Variants in AGBL4 observed in about 807,000 individuals in gnomAD.
AGBL4 encodes cytosolic carboxypeptidase 6.
AGBL4 carries 58 observed loss-of-function variants against 66.4 expected under a neutral mutation model. That is an observed-to-expected ratio of 0.87 (90% confidence interval 0.71 to 1.09). AGBL4 has a LOEUF of 1.09. Ranked by LOEUF, AGBL4 falls within the 50% of genes least tolerant of loss-of-function variation. The pLI, the probability that AGBL4 is intolerant of heterozygous loss-of-function variation, is 0.00. For synonymous variants in AGBL4, 234 were observed against 222.9 expected, an observed-to-expected ratio of 1.05 and a Z score of -0.44; for missense variants, 579 against 631.0, an observed-to-expected ratio of 0.92 and a Z score of 0.88.
intron 6 of AGBL4, among the ~76,000 whole-genome samples, chr1:48,695,134 A>T (rs1255934868): frequency 6.6e-6 from 1 of 152,164 alleles, no homozygotes; most frequent in Non-Finnish European, 1.5e-5. Context: ...CTTTACCAAG[A>T]TTCTAAACTT....
In AGBL4 at chr1:49,869,661, G is replaced by A. The variant is rs555363096; in HGVS notation, c.35-18143C>T. Among the ~76,000 whole-genome samples the A allele has an allele frequency of 2.6e-5, 4 of 152,204 alleles. No individual in the cohort carries two copies. The East Asian group carries it at 7.7e-4, about 29-fold the overall frequency. ...TAATGCATGCTGGGCTTAATACCTA[G>A]GTGATGGGTTCATAGGTGCAGCAAA... On this transcript the variant is annotated intron_variant, in intron 1 of 13. Coordinates refer to ENST00000371839, the MANE Select transcript of AGBL4 (RefSeq NM_032785.4).
chr1:49,090,942 C>A (rs1032310719), intron 4 of AGBL4, among the ~76,000 whole-genome samples: 46 of 152,110 alleles, frequency 3.0e-4, no homozygotes, highest in African/African-American at 1.1e-3. Context: ...TGCACACTCA[C>A]AACCATCTGA....
chr1:49,468,092 A>G (rs909685494), intron 3 of AGBL4, among the ~76,000 whole-genome samples: 2 of 151,890 alleles, frequency 1.3e-5, no homozygotes, highest in Non-Finnish European at 2.9e-5. Context: ...TCCTTCAACA[A>G]CATAGGTAAC....
At chr1:48,746,196 T>C (rs1207852229) in intron 6 of AGBL4, among the ~76,000 whole-genome samples, 1 of 152,254 alleles carries the variant, frequency 6.6e-6, no homozygotes, top group Non-Finnish European at 1.5e-5. Context: ...TATATTTATA[T>C]GAAACAATGA....
At chr1:49,469,863 C>T (rs573838399) in intron 3 of AGBL4, 1 of 151,882 alleles carries the variant, frequency 6.6e-6, no homozygotes, top group East Asian at 1.9e-4. Context: ...ATTTCATCTT[C>T]GGTTAAGCAG....
intron 3 of AGBL4, among the ~76,000 whole-genome samples, chr1:49,389,014 T>C (rs1408425515): frequency 6.6e-6 from 1 of 151,916 alleles, no homozygotes. Context: ...AAGAAAACCA[T>C]GAGATCACAG....
chr1:48,538,318 T>C (rs567154516), intron 12 of AGBL4, among the ~76,000 whole-genome samples: 2 of 152,316 alleles, frequency 1.3e-5, no homozygotes, highest in East Asian at 1.9e-4. Context: ...AAAACATTTA[T>C]TGAGCATCTA....
chr1:49,623,873 T>G (rs755480903), intron 3 of AGBL4, among the ~76,000 whole-genome samples: 2 of 152,216 alleles, frequency 1.3e-5, no homozygotes, highest in Non-Finnish European at 2.9e-5. Flanking sequence ...ATAGGCTTAA[T>G]GATAGTCTTG....
chr1:49,216,521 T>A (rs1340119797), intron 4 of AGBL4, among the ~76,000 whole-genome samples: 3 of 152,168 alleles, frequency 2.0e-5, no homozygotes, highest in African/African-American at 4.8e-5. Context: ...TAGTTCTCTG[T>A]TCCTATATTA....
At chr1:48,582,099 G>A (rs1048976491) in intron 11 of AGBL4, among the ~76,000 whole-genome samples, 4 of 152,188 alleles carry the variant, frequency 2.6e-5, no homozygotes, top group Admixed American at 1.3e-4. Context: ...GAAGCCATCT[G>A]TAAGCCCCTC....
chr1:49,545,433 C>T (rs1487903567), intron 3 of AGBL4, among the ~76,000 whole-genome samples: 2 of 152,194 alleles, frequency 1.3e-5, no homozygotes, highest in Middle Eastern at 3.2e-3. Flanking sequence ...TATTTCATTG[C>T]AGACTATAAG....
chr1:49,447,400 G>A (rs1646183146), intron 3 of AGBL4, among the ~76,000 whole-genome samples: 1 of 152,120 alleles, frequency 6.6e-6, no homozygotes, highest in South Asian at 2.1e-4. Flanking sequence ...AGCCAATGCT[G>A]TGTTGCTGCA....
chr1:49,678,189 T>G lies in AGBL4; in HGVS notation c.282+19124A>C, dbSNP rs1413696483. On this transcript the variant is annotated intron_variant, in intron 3 of 13. Coordinates refer to ENST00000371839, the MANE Select transcript of AGBL4 (RefSeq NM_032785.4). ...ATATTTCATGTTTTGTAACTTGTAG[T>G]GTTTGTACTTCTCAAGGAATTGTCT... Among the ~76,000 whole-genome samples the G allele has an allele frequency of 2.6e-5, 4 of 152,302 alleles. No homozygotes were observed. In the East Asian group the frequency reaches 7.7e-4, roughly 29 times the overall value.
At chr1:48,815,810 T>G (rs978576605) in intron 6 of AGBL4, among the ~76,000 whole-genome samples, 2 of 152,176 alleles carry the variant, frequency 1.3e-5, no homozygotes, top group Admixed American at 6.5e-5. Flanking sequence ...GAAAGGCAGA[T>G]GGGTTAAGAG....
intron 6 of AGBL4, among the ~76,000 whole-genome samples, chr1:48,699,183 G>C (rs907902403): frequency 6.6e-6 from 1 of 152,192 alleles, no homozygotes; most frequent in Non-Finnish European, 1.5e-5. Flanking sequence ...TAGGACCCAG[G>C]CTTTGGAGTC....
At chr1:49,261,341 T>C (rs1653142152) in intron 3 of AGBL4, among the ~76,000 whole-genome samples, 1 of 152,168 alleles carries the variant, frequency 6.6e-6, no homozygotes, top group Admixed American at 6.5e-5. Flanking sequence ...ATAAAGGGTA[T>C]TCAATTAGGA....
chr1:49,140,610 A>T lies in AGBL4; in HGVS notation c.378-94810T>A, dbSNP rs373810836. Among the ~76,000 whole-genome samples the T allele has an allele frequency of 3.2e-4, 49 of 152,336 alleles. 1 individual carries two copies. The South Asian group carries it at 9.3e-3, about 29-fold the overall frequency. On this transcript the variant is annotated intron_variant, in intron 4 of 13. Coordinates refer to ENST00000371839, the MANE Select transcript of AGBL4 (RefSeq NM_032785.4). ...ATGCTGCCAAGGTTCCAGGTACATG[A>T]TTGGTGAGGAACCAGGCCAGTTGAC...
At chr1:49,994,999 C>T (rs1340291505) in intron 1 of AGBL4, 1 of 392,936 alleles carries the variant, frequency 2.5e-6, no homozygotes, top group African/African-American at 2.1e-5. Context: ...TCTTGGTCCC[C>T]AGGGAAGCCA....
intron 1 of AGBL4, among the ~76,000 whole-genome samples, chr1:49,930,791 G>T (rs1653258463): frequency 6.6e-6 from 1 of 152,072 alleles, no homozygotes; most frequent in African/African-American, 2.4e-5. Flanking sequence ...AAAAAATACA[G>T]TAATATCGTA....
Sources: gnomAD v4.1 joint callset for allele counts (sites outside exome capture counted in the v4.1 genomes callset) on GRCh38, gnomAD v4.1.1 for gene constraint, MANE v1.5 for transcripts, NCBI Gene and HGNC (gene_info 2026-07-23, HGNC 2026-07-21) for gene names.